Variants in NELL1 observed in about 807,000 individuals in gnomAD.
The protein encoded by NELL1 is protein kinase C-binding protein NELL1.
NELL1 carries 76 observed loss-of-function variants against 107.4 expected under a neutral mutation model. The observed-to-expected ratio is 0.71, with a 90% CI of 0.59 to 0.86. NELL1 has a LOEUF of 0.86. NELL1 is among the 40% of genes least tolerant of loss of function. The probability of loss-of-function intolerance (pLI) is 0.00; values close to 1 mark genes in which losing one functional copy is unlikely to be tolerated. For synonymous variants in NELL1, 353 were observed against 341.2 expected (o/e 1.03, Z -0.38); for missense variants, 1,024 against 1,005.5 (o/e 1.02, Z -0.25).
intron 14 of NELL1, among the ~76,000 whole-genome samples, chr11:21,336,522 G>C (rs1302617378): frequency 6.6e-6 from 1 of 151,822 alleles, no homozygotes; most frequent in Non-Finnish European, 1.5e-5. Flanking sequence ...ACAAAAAAAA[G>C]AAGGACCAAA....
At chr11:20,865,983 C>G (rs1849088207) in intron 4 of NELL1, among the ~76,000 whole-genome samples, 1 of 152,132 alleles carries the variant, frequency 6.6e-6, no homozygotes, top group South Asian at 2.1e-4. Flanking sequence ...TCTCAACTCC[C>G]TTGAATCTTG....
chr11:21,214,954 G>A (rs796479853), intron 13 of NELL1, among the ~76,000 whole-genome samples: 48 of 152,256 alleles, frequency 3.2e-4, no homozygotes, highest in African/African-American at 1.0e-3. Context: ...AATTATATTT[G>A]TAGACTAGTT....
chr11:20,789,019 C>G (rs1280861899), intron 3 of NELL1, among the ~76,000 whole-genome samples: 1 of 152,184 alleles, frequency 6.6e-6, no homozygotes, highest in Non-Finnish European at 1.5e-5. Flanking sequence ...ATTGTATTGG[C>G]ACCCTGTTGA....
intron 4 of NELL1, among the ~76,000 whole-genome samples, chr11:20,859,650 T>G (rs1848942477): frequency 6.6e-6 from 1 of 152,190 alleles, no homozygotes; most frequent in South Asian, 2.1e-4. Context: ...AAGGGGACTT[T>G]GCAATTGAAG....
chr11:21,334,415 A>G (rs2133690811), intron 14 of NELL1, among the ~76,000 whole-genome samples: 1 of 152,098 alleles, frequency 6.6e-6, no homozygotes, highest in African/African-American at 2.4e-5. Context: ...AGCCCTTACG[A>G]AAACAGGCCA....
intron 14 of NELL1, among the ~76,000 whole-genome samples, chr11:21,235,321 G>A (rs1442407316): frequency 6.6e-6 from 1 of 152,114 alleles, no homozygotes; most frequent in Non-Finnish European, 1.5e-5. Context: ...TCTGGTTATA[G>A]AGCAATTTCA....
intron 17 of NELL1, among the ~76,000 whole-genome samples, chr11:21,566,256 C>A (rs1008590317): frequency 6.6e-6 from 1 of 151,668 alleles, no homozygotes; most frequent in Non-Finnish European, 1.5e-5. Flanking sequence ...CTACGTCCAC[C>A]TTCTTGATTT....
intron 14 of NELL1, among the ~76,000 whole-genome samples, chr11:21,313,427 A>G (rs1311795367): frequency 6.6e-6 from 1 of 152,174 alleles, no homozygotes; most frequent in Non-Finnish European, 1.5e-5. Flanking sequence ...GGAGTTATCC[A>G]ATTAGGCATT....
chr11:21,239,663 G>A (rs1402366269), intron 14 of NELL1, among the ~76,000 whole-genome samples: 2 of 152,010 alleles, frequency 1.3e-5, no homozygotes, highest in Non-Finnish European at 2.9e-5. Flanking sequence ...TTGGAGGTAT[G>A]AGGTATCATT....
intron 14 of NELL1, among the ~76,000 whole-genome samples, chr11:21,346,183 C>T (rs1207879640): frequency 6.6e-6 from 1 of 152,154 alleles, no homozygotes; most frequent in Admixed American, 6.6e-5. Flanking sequence ...CTCTGTCTCT[C>T]TCCTCTTTCC....
intron 14 of NELL1, among the ~76,000 whole-genome samples, chr11:21,299,862 T>G (rs1849456925): frequency 6.6e-6 from 1 of 151,944 alleles, no homozygotes; most frequent in Admixed American, 6.6e-5. Context: ...TTAATTTGTT[T>G]TTCAACTATA....
At chr11:21,425,726 G>A (rs1852804614) in intron 15 of NELL1, among the ~76,000 whole-genome samples, 2 of 152,090 alleles carry the variant, frequency 1.3e-5, no homozygotes, top group South Asian at 4.1e-4. Context: ...TATTAAGTTT[G>A]TAGTAATTTG....
chr11:21,485,552 A>G (rs1367038493), intron 15 of NELL1, among the ~76,000 whole-genome samples: 1 of 151,818 alleles, frequency 6.6e-6, no homozygotes, highest in Non-Finnish European at 1.5e-5. Context: ...CATTCCAAGT[A>G]CAAATACTAC....
chr11:21,156,165 A>G (rs147660633), intron 13 of NELL1, among the ~76,000 whole-genome samples: 27 of 152,306 alleles, frequency 1.8e-4, no homozygotes, highest in African/African-American at 6.3e-4. Context: ...GAAGATTTAA[A>G]GAGAGTGAAC....
chr11:21,574,622 T>C (rs1182392336), intron 19 of NELL1, among the ~76,000 whole-genome samples: 1 of 151,806 alleles, frequency 6.6e-6, no homozygotes, highest in Admixed American at 6.6e-5. Context: ...TGCTATCTTT[T>C]AGGGATTTAT....
intron 14 of NELL1, among the ~76,000 whole-genome samples, chr11:21,297,994 A>G (rs2133967911): frequency 6.6e-6 from 1 of 151,852 alleles, no homozygotes; most frequent in Non-Finnish European, 1.5e-5. Flanking sequence ...TGACATGCAA[A>G]CCTTTTACTT....
chr11:21,077,743 A>AG (rs1401856877), intron 12 of NELL1, among the ~76,000 whole-genome samples: 49 of 118,196 alleles, frequency 4.1e-4, no homozygotes, highest in African/African-American at 1.6e-3. Flanking sequence ...ACTCTGTCTC[A>AG]GGAAAAAAAA....
At chr11:21,284,028 C>T (rs1849055134) in intron 14 of NELL1, 1 of 362,728 alleles carries the variant, frequency 2.8e-6, no homozygotes, top group East Asian at 7.3e-5. Flanking sequence ...GTGTGTGTGC[C>T]TGTGGACTTT....
chr11:21,314,959 T>G (rs1849843512), intron 14 of NELL1, among the ~76,000 whole-genome samples: 1 of 151,936 alleles, frequency 6.6e-6, no homozygotes, highest in Admixed American at 6.6e-5. Flanking sequence ...TGGGTTCAAA[T>G]GATTCTTCTG....
Sources: gnomAD v4.1 joint callset for allele counts (sites outside exome capture counted in the v4.1 genomes callset) on GRCh38, gnomAD v4.1.1 for gene constraint, MANE v1.5 for transcripts, NCBI Gene and HGNC (gene_info 2026-07-23, HGNC 2026-07-21) for gene names.